The following FOXN3 variants were observed in gnomAD, a reference collection of about 807,000 sequenced individuals.
FOXN3 encodes forkhead box N3.
A neutral mutation model predicts 38.4 loss-of-function variants in FOXN3; 7 were observed. That is an observed-to-expected ratio of 0.18 (90% CI 0.10 to 0.34). The LOEUF (loss-of-function observed/expected upper bound fraction) is 0.34. FOXN3 is among the 10% of genes least tolerant of loss of function. The pLI is 1.00. For synonymous variants in FOXN3, 230 were observed against 242.2 expected (o/e 0.95, Z 0.47); for missense variants, 456 against 613.4 (o/e 0.74, Z 2.71).
At chr14:89,514,206 G>A (rs1290757180) in intron 1 of FOXN3, among the ~76,000 whole-genome samples, 4 of 152,176 alleles carry the variant, frequency 2.6e-5, no homozygotes, top group Non-Finnish European at 4.4e-5. Flanking sequence ...CCTAAGGGCT[G>A]GGGAACCAAG....
intron 4 of FOXN3, among the ~76,000 whole-genome samples, chr14:89,249,648 T>C (rs1400547298): frequency 6.6e-6 from 1 of 152,228 alleles, no homozygotes; most frequent in Non-Finnish European, 1.5e-5. Context: ...CAGGGACTCT[T>C]GGCTGTAGAG....
chr14:89,399,214 G>A (rs1029241905), intron 2 of FOXN3, among the ~76,000 whole-genome samples: 3 of 152,154 alleles, frequency 2.0e-5, no homozygotes, highest in African/African-American at 4.8e-5. Context: ...CAAAGACAAG[G>A]CGCAGAGATG....
chr14:89,480,505 A>C (rs1893304805), intron 1 of FOXN3, among the ~76,000 whole-genome samples: 1 of 152,076 alleles, frequency 6.6e-6, no homozygotes, highest in South Asian at 2.1e-4. Context: ...TGTGTCTCAA[A>C]GCATCAGACT....
rs1197519860 is a variant in FOXN3, at chr14:89,164,434, C to T, written c.852-1465G>A. ...TTTCTAAGAGTTCTGGGGAACATGA[C>T]CATACTTTTCCTGCCTAGATGACCC... On this transcript the variant is annotated intron_variant, in intron 5 of 5. Coordinates refer to ENST00000557258, the MANE Select transcript of FOXN3 (RefSeq NM_005197.4). This position sits in a 1 kb window ranked among gnomAD's most constrained non-coding sequence, Gnocchi z 4.3. Among the ~76,000 whole-genome samples the T allele has an allele frequency of 6.6e-6, 1 of 152,146 alleles. No homozygotes were observed. Among genetic ancestry groups the T allele is most frequent in the Non-Finnish European group, 1.5e-5 (1 of 68,026 alleles).
chr14:89,383,481 G>C (rs1890713635), intron 2 of FOXN3, among the ~76,000 whole-genome samples: 1 of 152,166 alleles, frequency 6.6e-6, no homozygotes, highest in Non-Finnish European at 1.5e-5. Flanking sequence ...ACACAAACTT[G>C]GTGGCTTAAA....
chr14:89,568,334 G>C (rs1895409836), intron 1 of FOXN3, among the ~76,000 whole-genome samples: 1 of 152,068 alleles, frequency 6.6e-6, no homozygotes, highest in Non-Finnish European at 1.5e-5. Context: ...ATAGAAACCT[G>C]ACCATGCCAC....
rs1172096133 is a variant in FOXN3, at chr14:89,163,467, C to A, written c.852-498G>T. ...CCTGCCATGTGGTGACAGCTACTCA[C>A]TCATGCATTCCCTCCCTCGTTCATG... On this transcript the variant is annotated intron_variant, in intron 5 of 5. Transcript: ENST00000557258. The surrounding 1 kb of genome is among the most constrained non-coding windows in gnomAD (Gnocchi z 4.3). 6.6e-6 allele frequency among the ~76,000 whole-genome samples: 1 copy of A among 152,190 alleles called. No individual in the cohort carries two copies. Among genetic ancestry groups the A allele is most frequent in the Non-Finnish European group, 1.5e-5 (1 of 68,038 alleles).
intron 1 of FOXN3, among the ~76,000 whole-genome samples, chr14:89,466,047 T>C (rs1892970055): frequency 6.6e-6 from 1 of 152,214 alleles, no homozygotes. Context: ...TAAGTCACAG[T>C]GTGATCGTCA....
At chr14:89,381,941 C>T (rs1282730390) in intron 2 of FOXN3, among the ~76,000 whole-genome samples, 1 of 152,062 alleles carries the variant, frequency 6.6e-6, no homozygotes, top group African/African-American at 2.4e-5. Flanking sequence ...TCAACTACTC[C>T]TAAGCTTGAC....
At chr14:89,599,357 C>T in intron 1 of FOXN3, among the ~76,000 whole-genome samples, 1 of 152,292 alleles carries the variant, frequency 6.6e-6, no homozygotes, top group Non-Finnish European at 1.5e-5. Context: ...CAAAAAAGTT[C>T]ACTCATTTAG....
chr14:89,528,824 G>A (rs1894492466), intron 1 of FOXN3, among the ~76,000 whole-genome samples: 4 of 152,106 alleles, frequency 2.6e-5, no homozygotes. Context: ...TACAGTGACA[G>A]AGACAAAATA....
chr14:89,234,616 C>CCTCTCTCTCT (rs34492323), intron 4 of FOXN3, among the ~76,000 whole-genome samples: 1 of 148,332 alleles, frequency 6.7e-6, no homozygotes, highest in South Asian at 2.2e-4. Context: ...TATGTGGCAT[C>CCTCTCTCTCT]CTCTCTCTCT....
chr14:89,306,560 G>A (rs1887383533), intron 3 of FOXN3, among the ~76,000 whole-genome samples: 1 of 152,042 alleles, frequency 6.6e-6, no homozygotes, highest in Admixed American at 6.6e-5. Context: ...GTAGAGACGG[G>A]GTTTCACTGT....
intron 1 of FOXN3, among the ~76,000 whole-genome samples, chr14:89,610,388 G>A (rs1345165462): frequency 6.6e-6 from 1 of 152,218 alleles, no homozygotes; most frequent in Non-Finnish European, 1.5e-5. Flanking sequence ...GGCTGGCATA[G>A]GTGCCCCACG....
Position 89,180,713 on chromosome 14 carries a change from G to C in FOXN3, c.839C>G (p.Thr280Arg). Residue 280 changes from threonine (T) to arginine (R), a missense_variant, in exon 5 of 6, where the codon ACA (threonine) becomes AGA (arginine). By Grantham distance (71) the Thr-to-Arg change is moderately conservative (BLOSUM62 -1). Around this residue, in one of 3 missense-constraint regions of FOXN3, gnomAD observed 386 missense variants for 505.2 expected, o/e 0.76. Transcript: ENST00000557258. The stretch of plus-strand genomic sequence containing the variant: ...ACTCCCCACTTACCTCATGGCCGCT[G>C]TCACCCCAATGGGAGTGATTGGCAG... ...RPLPITPIGVTAAMRNGITSC... is the reference protein window; with the variant it reads ...RPLPITPIGVRAAMRNGITSC... 1 of 1,608,704 alleles carries C rather than the reference G, an allele frequency of 6.2e-7. No homozygotes were observed. Among genetic ancestry groups the C allele is most frequent in the Non-Finnish European group, 8.5e-7 (1 of 1,177,278 alleles).
At chr14:89,365,764 G>A (rs771436502) in intron 2 of FOXN3, among the ~76,000 whole-genome samples, 46 of 152,220 alleles carry the variant, frequency 3.0e-4, no homozygotes, top group African/African-American at 1.1e-3. Flanking sequence ...TCTAATAGCT[G>A]CCATGCTATG....
intron 4 of FOXN3, among the ~76,000 whole-genome samples, chr14:89,259,137 A>T (rs1885719094): frequency 6.6e-6 from 1 of 152,242 alleles, no homozygotes; most frequent in Non-Finnish European, 1.5e-5. Context: ...TCCTGGAACT[A>T]TCACTGAATA....
intron 4 of FOXN3, among the ~76,000 whole-genome samples, chr14:89,278,206 C>T (rs1283260960): frequency 6.6e-6 from 1 of 152,108 alleles, no homozygotes; most frequent in Non-Finnish European, 1.5e-5. Flanking sequence ...ACAAAAGATA[C>T]GTCTTACATG....
At chr14:89,611,940 C>T (rs1362999894) in intron 1 of FOXN3, among the ~76,000 whole-genome samples, 1 of 152,132 alleles carries the variant, frequency 6.6e-6, no homozygotes, top group Non-Finnish European at 1.5e-5. Context: ...GCAAATATTC[C>T]CCAACCCATC....
Sources: allele counts gnomAD v4.1 joint callset (sites outside exome capture counted in the v4.1 genomes callset), GRCh38; gene constraint gnomAD v4.1.1; regional missense constraint gnomAD v4.1.1; non-coding constraint Gnocchi (gnomAD v3.1); transcripts MANE v1.5; gene names NCBI Gene and HGNC (gene_info 2026-07-23, HGNC 2026-07-21).